PCNX1: variants seen among roughly 807,000 people sequenced by gnomAD.
PCNX1 encodes pecanex-like protein 1.
PCNX1 carries 78 observed loss-of-function variants against 242.2 expected under a neutral mutation model. That is an observed-to-expected ratio of 0.32 (90% CI 0.27 to 0.39). The LOEUF is 0.39. Among genes scored for constraint, PCNX1 ranks in the 10% least tolerant of loss-of-function variants. The probability of loss-of-function intolerance (pLI) is 1.00; values close to 1 mark genes in which losing one functional copy is unlikely to be tolerated. For synonymous variants in PCNX1, 1,024 were observed against 1,032.9 expected (o/e 0.99, Z 0.17); for missense variants, 2,581 against 2,856.5 (o/e 0.90, Z 2.20).
At chr14:70,935,550 T>C (rs2056968594) in intron 1 of PCNX1, among the ~76,000 whole-genome samples, 1 of 152,228 alleles carries the variant, frequency 6.6e-6, no homozygotes, top group Non-Finnish European at 1.5e-5. Flanking sequence ...AGGCAGATCC[T>C]GTAGACCATT....
At chr14:71,087,299 C>T (rs1330604870) in intron 28 of PCNX1, among the ~76,000 whole-genome samples, 1 of 152,086 alleles carries the variant, frequency 6.6e-6, no homozygotes, top group Non-Finnish European at 1.5e-5. Context: ...GGTAATATGT[C>T]TTTAGAAACA....
chr14:70,997,444 T>C (rs2059385402), intron 8 of PCNX1, among the ~76,000 whole-genome samples: 1 of 152,184 alleles, frequency 6.6e-6, no homozygotes, highest in Non-Finnish European at 1.5e-5. Flanking sequence ...AAAAAATTTG[T>C]TAAGCAAGCT....
intron 27 of PCNX1, among the ~76,000 whole-genome samples, chr14:71,074,990 C>CTTTTTTTTTTT (rs900279128): frequency 5.9e-5 from 6 of 101,114 alleles, no homozygotes; most frequent in Admixed American, 1.1e-4. Flanking sequence ...CTTTTCTTCT[C>CTTTTTTTTTTT]TTTTTTTTTT....
At chr14:71,065,171 C>G (rs1464903945) in intron 26 of PCNX1, among the ~76,000 whole-genome samples, 1 of 152,110 alleles carries the variant, frequency 6.6e-6, no homozygotes, top group Non-Finnish European at 1.5e-5. Flanking sequence ...TTTTCTAGTT[C>G]TAGATTCTTG....
Position 70,907,738 on chromosome 14 carries a change from G to A in PCNX1, c.-113G>A. 1 of 1,150,306 alleles carries A rather than the reference G, an allele frequency of 8.7e-7. No homozygotes were observed. Among genetic ancestry groups the A allele is most frequent in the South Asian group, 4.2e-5 (1 of 23,586 alleles). 71.3% of individuals were successfully genotyped at this position (1,150,306 alleles called of 1,614,324 possible). A position where few individuals can be genotyped will look rare whatever the true frequency, so the allele number is the denominator to read the frequency against. On this transcript the variant is annotated 5_prime_UTR_variant, in exon 1 of 36. Coordinates refer to ENST00000304743, the MANE Select transcript of PCNX1 (RefSeq NM_014982.3). The stretch of plus-strand genomic sequence containing the variant: ...CGAAGCGCCGGCTCGCTCACCCGGA[G>A]CTCCGGAGGTGGATAGACGGGGCAG...
intron 2 of PCNX1, among the ~76,000 whole-genome samples, chr14:70,953,837 T>C (rs2140391560): frequency 6.6e-6 from 1 of 152,046 alleles, no homozygotes; most frequent in Middle Eastern, 3.4e-3. Context: ...CCTGGCTAAT[T>C]TTGTATTTTT....
intron 19 of PCNX1, among the ~76,000 whole-genome samples, chr14:71,037,390 G>T (rs2060571608): frequency 7.3e-6 from 1 of 136,590 alleles, no homozygotes; most frequent in African/African-American, 2.8e-5. Flanking sequence ...AATGCTTCCA[G>T]TTTTTGCCCA....
intron 16 of PCNX1, among the ~76,000 whole-genome samples, chr14:71,029,470 AT>A (rs1290471667): frequency 1.3e-5 from 2 of 152,174 alleles, no homozygotes; most frequent in African/African-American, 4.8e-5. Context: ...TTTATAGAGC[AT>A]TTATGTGTAC....
chr14:71,050,395 A>AT (rs1595375214), intron 22 of PCNX1, among the ~76,000 whole-genome samples: 1 of 151,956 alleles, frequency 6.6e-6, no homozygotes, highest in Non-Finnish European at 1.5e-5. Context: ...AAGGCATAGA[A>AT]TTTTTTTTAA....
intron 30 of PCNX1, among the ~76,000 whole-genome samples, chr14:71,091,025 G>A (rs1348459345): frequency 6.6e-6 from 1 of 152,180 alleles, no homozygotes; most frequent in East Asian, 1.9e-4. Context: ...CCCATCATTA[G>A]CCTGGACTGA....
chr14:71,110,127 A>G lies in PCNX1; in HGVS notation c.*192A>G, dbSNP rs1037361344. On this transcript the variant is annotated 3_prime_UTR_variant, in exon 36 of 36. Coordinates refer to ENST00000304743, the MANE Select transcript of PCNX1 (RefSeq NM_014982.3). ...ACTCCTGTCACTGTCTCCATCCCCA[A>G]ATAAAGCTGAAATATTTTTTTAAGT... 21 of 644,430 alleles carry G rather than the reference A, an allele frequency of 3.3e-5. No individual in the cohort carries two copies. Among genetic ancestry groups the G allele is most frequent in the Non-Finnish European group, 5.1e-5 (18 of 356,344 alleles). The allele number at this position is 644,430 out of a possible 1,614,324, so 39.9% of individuals were successfully genotyped here.
intron 26 of PCNX1, among the ~76,000 whole-genome samples, chr14:71,059,634 C>T (rs1297480625): frequency 6.6e-6 from 1 of 152,074 alleles, no homozygotes; most frequent in Non-Finnish European, 1.5e-5. Context: ...CTCAAGCGAC[C>T]CTCCAGCCTT....
At chr14:71,013,421 A>T (rs2059875719) in intron 11 of PCNX1, among the ~76,000 whole-genome samples, 1 of 152,148 alleles carries the variant, frequency 6.6e-6, no homozygotes, top group African/African-American at 2.4e-5. Context: ...TTTTACAAAG[A>T]AATTAGTTTT....
chr14:71,097,184 C>T lies in PCNX1; in HGVS notation c.5590-4806C>T, dbSNP rs368159722. Among the ~76,000 whole-genome samples the T allele has an allele frequency of 3.9e-3, 586 of 152,190 alleles. 2 individuals carry two copies. Among genetic ancestry groups the T allele is most frequent in the African/African-American group, 0.013 (559 of 41,520 alleles). ...GCTGCGTAGTATTCCATGGTGTATA[C>T]GTACCTCATTTCCTTTATCCAATTT... On this transcript the variant is annotated intron_variant, in intron 30 of 35. Coordinates refer to ENST00000304743, the MANE Select transcript of PCNX1 (RefSeq NM_014982.3).
chr14:70,950,474 T>C (rs1223524989), intron 2 of PCNX1, among the ~76,000 whole-genome samples: 1 of 152,160 alleles, frequency 6.6e-6, no homozygotes, highest in African/African-American at 2.4e-5. Flanking sequence ...TTTTCAATGA[T>C]TAAATGTTCT....
chr14:71,019,365 GTT>G (rs1169111628), intron 12 of PCNX1, among the ~76,000 whole-genome samples: 1 of 152,126 alleles, frequency 6.6e-6, no homozygotes, highest in Non-Finnish European at 1.5e-5. Context: ...CTAAAAACAA[GTT>G]TTTTGTATTA....
chr14:71,080,880 C>T (rs1047216198), intron 28 of PCNX1, among the ~76,000 whole-genome samples: 6 of 152,168 alleles, frequency 3.9e-5, no homozygotes, highest in African/African-American at 7.2e-5. Context: ...TGGCTGATTG[C>T]CCTGTCTAGA....
At chr14:71,021,365 C>T (rs2060096331) in intron 12 of PCNX1, among the ~76,000 whole-genome samples, 1 of 152,122 alleles carries the variant, frequency 6.6e-6, no homozygotes, top group Admixed American at 6.5e-5. Context: ...TGGCCATTTT[C>T]ACAATATTGA....
At position 70,981,785 on chromosome 14, in the gene PCNX1, G is replaced by A. The variant is rs80186251; in HGVS notation, c.2311+3137G>A. ...AGCCTGTATTACTTTTAAGGAAGTC[G>A]TTTTCTTTTGGACCGTTTAAACTTA... On this transcript the variant is annotated intron_variant, in intron 6 of 35. Transcript: ENST00000304743. Among the ~76,000 whole-genome samples, 756 of 152,234 alleles carry A rather than the reference G, an allele frequency of 5.0e-3. 6 individuals carry two copies. Among genetic ancestry groups the A allele is most frequent in the African/African-American group, 0.017 (719 of 41,556 alleles).
Sources: gnomAD v4.1 joint callset for allele counts (sites outside exome capture counted in the v4.1 genomes callset) on GRCh38, gnomAD v4.1.1 for gene constraint, MANE v1.5 for transcripts, NCBI Gene and HGNC (gene_info 2026-07-23, HGNC 2026-07-21) for gene names.